KYAT1: variants seen among roughly 807,000 people sequenced by gnomAD.
KYAT1 encodes kynurenine--oxoglutarate transaminase 1.
Under a neutral mutation model 52.4 loss-of-function variants are expected in KYAT1, and 47 were observed. The observed-to-expected ratio is 0.90, with a 90% CI of 0.71 to 1.14. The LOEUF (loss-of-function observed/expected upper bound fraction) is 1.14. KYAT1 is among the 50% of genes most tolerant of loss of function. KYAT1 has a pLI of 0.00. For synonymous variants in KYAT1, 212 were observed against 209.6 expected (o/e 1.01, Z -0.10); for missense variants, 480 against 557.9 (o/e 0.86, Z 1.41).
At chr9:128,880,152 G>A (rs565883351) in intron 1 of KYAT1, among the ~76,000 whole-genome samples, 1 of 152,288 alleles carries the variant, frequency 6.6e-6, no homozygotes, top group Non-Finnish European at 1.5e-5. Context: ...CATTTTACAG[G>A]CGGGGACATG....
At position 128,835,215 on chromosome 9, in the gene KYAT1, G is replaced by A. The variant is rs905914204; in HGVS notation, c.1122+108C>T. The A allele has an allele frequency of 8.0e-6, 7 of 870,650 alleles. No homozygotes were observed. The East Asian group carries it at 9.6e-5, about 12-fold the overall frequency. The allele number at this position is 870,650 out of a possible 1,614,324, so 53.9% of individuals were successfully genotyped here. A position where few individuals can be genotyped will look rare whatever the true frequency, so the allele number is the denominator to read the frequency against. ...GATACAACCCTGCCCCAAGGTTGACGGCAGAGGCTGGACTAAGATCTAGCC... is the reference window on the plus strand; with the variant it reads ...GATACAACCCTGCCCCAAGGTTGACAGCAGAGGCTGGACTAAGATCTAGCC... On this transcript the variant is annotated intron_variant, in intron 11 of 12. Coordinates refer to ENST00000302586, the MANE Select transcript of KYAT1 (RefSeq NM_004059.5).
intron 2 of KYAT1, among the ~76,000 whole-genome samples, chr9:128,843,598 C>T (rs531451789): frequency 2.6e-5 from 4 of 152,178 alleles, no homozygotes; most frequent in African/African-American, 7.2e-5. Flanking sequence ...AGGCTGGTCT[C>T]GAACTCCTGA....
chr9:128,861,755 C>T (rs553255857), intron 1 of KYAT1, among the ~76,000 whole-genome samples: 2 of 152,306 alleles, frequency 1.3e-5, no homozygotes, highest in South Asian at 2.1e-4. Flanking sequence ...GGTAACTCAG[C>T]TAAACGGATG....
In KYAT1 at chr9:128,847,651, TAACAAC is replaced by T. The variant is rs3834884; in HGVS notation, c.-6-2246_-6-2241del. 419 of 554,540 alleles carry T rather than the reference TAACAAC, an allele frequency of 7.6e-4. 2 individuals are homozygous for T. Among genetic ancestry groups the T allele is most frequent in the African/African-American group, 5.5e-3 (284 of 51,358 alleles). 34.4% of individuals were successfully genotyped at this position (554,540 alleles called of 1,614,324 possible). The stretch of plus-strand genomic sequence containing the variant: ...GGTCCCCCACACACAGCTCTAACAA[TAACAAC>T]AACAACAACAACAACAACAACAACA... On this transcript the variant is annotated intron_variant, in intron 1 of 12. Coordinates refer to ENST00000302586, the MANE Select transcript of KYAT1 (RefSeq NM_004059.5).
At chr9:128,843,383 T>TC (rs1413349516) in intron 2 of KYAT1, among the ~76,000 whole-genome samples, 1 of 61,842 alleles carries the variant, frequency 1.6e-5, no homozygotes, top group African/African-American at 9.6e-5. Context: ...AGAAATCATC[T>TC]TTTTTTTTTT....
chr9:128,836,487 C>A (rs534108458), intron 7 of KYAT1, among the ~76,000 whole-genome samples: 1 of 151,948 alleles, frequency 6.6e-6, no homozygotes, highest in African/African-American at 2.4e-5. Context: ...TTAGTACAGA[C>A]AGGGTTTCAC....
At chr9:128,874,722 C>CTTTT (rs201788280) in intron 1 of KYAT1, among the ~76,000 whole-genome samples, 9 of 123,686 alleles carry the variant, frequency 7.3e-5, no homozygotes, top group Non-Finnish European at 1.2e-4. Context: ...ATAATCCTGC[C>CTTTT]TTTTTTTTTT....
At chr9:128,848,100 T>A (rs1833391688) in intron 1 of KYAT1, among the ~76,000 whole-genome samples, 1 of 151,888 alleles carries the variant, frequency 6.6e-6, no homozygotes, top group Admixed American at 6.6e-5. Context: ...CAGGAGGATC[T>A]CTTGAGCCCA....
At chr9:128,846,625 A>AC in intron 1 of KYAT1, 1 of 843,974 alleles carries the variant, frequency 1.2e-6, no homozygotes, top group Non-Finnish European at 1.7e-6. Context: ...AAAAAAAAAA[A>AC]GAAAGAAAGA....
chr9:128,858,393 T>C (rs1588118701), intron 1 of KYAT1, among the ~76,000 whole-genome samples: 1 of 480 alleles, frequency 2.1e-3, no homozygotes, highest in Admixed American at 0.024. Flanking sequence ...TGAGACCATG[T>C]ATAAAAAAAA....
chr9:128,834,119 G>C (rs1217511536), intron 11 of KYAT1, among the ~76,000 whole-genome samples: 1 of 152,220 alleles, frequency 6.6e-6, no homozygotes, highest in Non-Finnish European at 1.5e-5. Context: ...TTGGCCGGGT[G>C]TGGTGGCGCA....
chr9:128,846,647 C>T (rs980599751), intron 1 of KYAT1: 4 of 1,323,706 alleles, frequency 3.0e-6, no homozygotes, highest in African/African-American at 1.5e-5. Flanking sequence ...ATTGGCCAGA[C>T]CTGAGAGCCA....
chr9:128,871,547 A>T (rs563205136), intron 1 of KYAT1, among the ~76,000 whole-genome samples: 2 of 151,876 alleles, frequency 1.3e-5, no homozygotes, highest in African/African-American at 4.8e-5. Flanking sequence ...TGTCTCTACA[A>T]ATAATTTTTT....
intron 1 of KYAT1, among the ~76,000 whole-genome samples, chr9:128,863,469 C>CAA (rs879901277): frequency 7.2e-6 from 1 of 139,814 alleles, no homozygotes; most frequent in African/African-American, 2.6e-5. Flanking sequence ...CCTTTCTCTA[C>CAA]AAAAAAAAAA....
intron 1 of KYAT1, 189 bp from the exon 2 acceptor site, chr9:128,845,600 C>T (rs1832969694): frequency 8.5e-6 from 5 of 587,532 alleles, no homozygotes; most frequent in South Asian, 7.8e-5. Context: ...CTCCAACACC[C>T]TCACCTGGTT....
chr9:128,838,418 C>T (rs369657340), intron 3 of KYAT1, 51 bp from the exon 4 acceptor site: 56 of 1,608,040 alleles, frequency 3.5e-5, no homozygotes, highest in African/African-American at 1.7e-4. Flanking sequence ...GCCCATCCTC[C>T]GGCCCAGCTG....
chr9:128,847,072 C>T (rs1342680658), intron 1 of KYAT1, among the ~76,000 whole-genome samples: 2 of 152,176 alleles, frequency 1.3e-5, no homozygotes, highest in Non-Finnish European at 2.9e-5. Flanking sequence ...CACCAGGCCC[C>T]CCTGTCCTGG....
Position 128,842,923 on chromosome 9 carries a change from T to C in KYAT1, c.54-122A>G. 4.1e-6 allele frequency: 4 copies of C among 968,610 alleles called. No individual in the cohort carries two copies. The highest frequency in any genetic ancestry group is 4.4e-6 in the Non-Finnish European group (3 of 676,606). 60.0% of individuals were successfully genotyped at this position (968,610 alleles called of 1,614,324 possible). ...GGCTCACGCCTGTAATCCCAGCACT[T>C]TGGGAGGCCGAGGTGGGCGGATCAC... On this transcript the variant is annotated intron_variant, in intron 2 of 12. Coordinates refer to ENST00000302586, the MANE Select transcript of KYAT1 (RefSeq NM_004059.5).
chr9:128,835,900 C>A (rs767166961), intron 8 of KYAT1, 32 bp from the exon 9 acceptor site: 8 of 1,611,050 alleles, frequency 5.0e-6, no homozygotes, highest in Non-Finnish European at 6.8e-6. Flanking sequence ...GGGGAGAGGT[C>A]CTTCCAGACC....
Sources: allele counts gnomAD v4.1 joint callset (sites outside exome capture counted in the v4.1 genomes callset), GRCh38; gene constraint gnomAD v4.1.1; transcripts MANE v1.5; gene names NCBI Gene and HGNC (gene_info 2026-07-23, HGNC 2026-07-21).